The following DACH2 variants were observed in gnomAD, a reference collection of about 807,000 sequenced individuals.
DACH2 encodes the protein dachshund homolog 2.
In DACH2, 17 loss-of-function variants were observed where a neutral mutation model predicts 35.8. The ratio of observed to expected loss-of-function variants is 0.48; its 90% CI spans 0.33 to 0.71. DACH2 has a LOEUF of 0.71. Among genes scored for constraint, DACH2 ranks in the 30% least tolerant of loss-of-function variants. DACH2 has a pLI of 0.02. For missense variants in DACH2, 469 were observed against 472.7 expected, an observed-to-expected ratio of 0.99 and a Z score of 0.07; for synonymous variants, 195 against 177.3, an observed-to-expected ratio of 1.10 and a Z score of -0.79.
At chrX:86,423,778 G>A (rs2036845746) in intron 2 of DACH2, among the ~76,000 whole-genome samples, 1 of 110,726 alleles carries the variant, frequency 9.0e-6, no homozygotes, top group Non-Finnish European at 1.9e-5. Context: ...TCTTGTAGTA[G>A]TTTCATAGCT....
chrX:86,422,493 G>C lies in DACH2; in HGVS notation c.527+45631G>C, dbSNP rs770744559. Among the ~76,000 whole-genome samples, 10 of 110,393 alleles carry C rather than the reference G, an allele frequency of 9.1e-5. No individual in the cohort carries two copies. The South Asian group carries it at 3.8e-3, about 42-fold the overall frequency. On this transcript the variant is annotated intron_variant, in intron 2 of 11. Coordinates refer to ENST00000373125, the MANE Select transcript of DACH2 (RefSeq NM_053281.3). ...TCTCATACATGAAAATCACACTTTTGAGTCTTAGTATGAATGGTTTTTCAA... is the reference window on the plus strand; with the variant it reads ...TCTCATACATGAAAATCACACTTTTCAGTCTTAGTATGAATGGTTTTTCAA...
At chrX:86,526,303 T>C (rs1388221776) in intron 3 of DACH2, among the ~76,000 whole-genome samples, 1 of 111,905 alleles carries the variant, frequency 8.9e-6, no homozygotes. Flanking sequence ...ACCTACATAT[T>C]GTGACCAAAA....
intron 2 of DACH2, among the ~76,000 whole-genome samples, chrX:86,405,929 T>C (rs956997114): frequency 1.8e-5 from 2 of 110,912 alleles, no homozygotes; most frequent in Non-Finnish European, 3.8e-5. Context: ...CAAGGAGAAG[T>C]GAGGAGCAAT....
At chrX:86,199,644 A>G (rs1449266728) in intron 1 of DACH2, among the ~76,000 whole-genome samples, 1 of 111,922 alleles carries the variant, frequency 8.9e-6, no homozygotes, top group African/African-American at 3.2e-5. Context: ...CAAATCAGGA[A>G]TTCAATCCCC....
chrX:86,214,049 AT>A (rs1279413826), intron 1 of DACH2, among the ~76,000 whole-genome samples: 2 of 109,912 alleles, frequency 1.8e-5, no homozygotes, highest in Non-Finnish European at 3.8e-5. Context: ...CCTTTTCAAC[AT>A]TTTTTTCCGA....
intron 2 of DACH2, among the ~76,000 whole-genome samples, chrX:86,408,072 G>A (rs761329123): frequency 4.5e-5 from 5 of 110,983 alleles, no homozygotes; most frequent in African/African-American, 1.6e-4. Context: ...TAAGTGTTAT[G>A]CAATGTCACA....
At chrX:86,462,324 T>C (rs1335873433) in intron 2 of DACH2, among the ~76,000 whole-genome samples, 1 of 111,397 alleles carries the variant, frequency 9.0e-6, no homozygotes, top group Non-Finnish European at 1.9e-5. Context: ...ATTCCTTCCT[T>C]GGGAATTACG....
chrX:86,239,207 T>G (rs745343437), intron 1 of DACH2, among the ~76,000 whole-genome samples: 1 of 111,892 alleles, frequency 8.9e-6, no homozygotes, highest in East Asian at 2.8e-4. Context: ...TGATTTAGAT[T>G]GTTAATTTTT....
At chrX:86,324,169 T>C (rs986150405) in intron 1 of DACH2, among the ~76,000 whole-genome samples, 5 of 111,906 alleles carry the variant, frequency 4.5e-5, no homozygotes, top group Admixed American at 9.5e-5. Context: ...TGCCAGGGAA[T>C]CTTTTTACAC....
At chrX:86,246,705 C>A (rs773504819) in intron 1 of DACH2, among the ~76,000 whole-genome samples, 9 of 111,970 alleles carry the variant, frequency 8.0e-5, no homozygotes, top group Non-Finnish European at 1.5e-4. Context: ...CCAGCCACCA[C>A]GAAAACACAC....
At chrX:86,215,569 C>A (rs781326012) in intron 1 of DACH2, among the ~76,000 whole-genome samples, 128 of 109,935 alleles carry the variant, frequency 1.2e-3, no homozygotes, top group African/African-American at 4.0e-3. Context: ...CCTTTCATTC[C>A]ATTGACCCCT....
At chrX:86,409,341 G>C (rs943738755) in intron 2 of DACH2, among the ~76,000 whole-genome samples, 21 of 111,273 alleles carry the variant, frequency 1.9e-4, no homozygotes, top group African/African-American at 6.9e-4. Flanking sequence ...TATTGATACT[G>C]ATGTAGTTTG....
chrX:86,395,905 T>A (rs1454894653), intron 2 of DACH2, among the ~76,000 whole-genome samples: 4 of 111,654 alleles, frequency 3.6e-5, no homozygotes, highest in Non-Finnish European at 7.5e-5. Flanking sequence ...ATATACCCAG[T>A]AATGGGATGG....
intron 11 of DACH2, among the ~76,000 whole-genome samples, chrX:86,825,701 A>C (rs887980971): frequency 3.6e-5 from 4 of 111,795 alleles, no homozygotes; most frequent in Non-Finnish European, 5.6e-5. Flanking sequence ...GATGAAAAAT[A>C]GAATTTCAGT....
intron 1 of DACH2, among the ~76,000 whole-genome samples, chrX:86,181,502 AAAGGACGTG>A (rs1660673771): frequency 9.0e-6 from 1 of 111,176 alleles, no homozygotes; most frequent in South Asian, 3.8e-4. Flanking sequence ...ATGTCCCTGA[AAAGGACGTG>A]AACTCATCCT....
At chrX:86,232,823 C>G (rs1171302974) in intron 1 of DACH2, among the ~76,000 whole-genome samples, 2 of 111,953 alleles carry the variant, frequency 1.8e-5, no homozygotes, top group Non-Finnish European at 3.8e-5. Flanking sequence ...TCATTCAACC[C>G]AGCAATCTCA....
chrX:86,515,207 C>A (rs775575143), intron 3 of DACH2, among the ~76,000 whole-genome samples: 2 of 110,719 alleles, frequency 1.8e-5, no homozygotes, highest in Non-Finnish European at 3.8e-5. Flanking sequence ...CACGCTAGAA[C>A]TGGGGAGAGT....
At chrX:86,307,136 T>C (rs955154662) in intron 1 of DACH2, among the ~76,000 whole-genome samples, 29 of 111,597 alleles carry the variant, frequency 2.6e-4, no homozygotes, top group African/African-American at 9.4e-4. Context: ...ATGAATCTGG[T>C]TGTTGCTCCG....
intron 2 of DACH2, among the ~76,000 whole-genome samples, chrX:86,441,857 G>A (rs908133348): frequency 4.0e-4 from 37 of 92,381 alleles, no homozygotes; most frequent in African/African-American, 1.0e-3. Context: ...TACTATATAT[G>A]TGTGTGTGTG....
Sources: allele counts gnomAD v4.1 joint callset (sites outside exome capture counted in the v4.1 genomes callset), GRCh38; gene constraint gnomAD v4.1.1; transcripts MANE v1.5; gene names NCBI Gene and HGNC (gene_info 2026-07-23, HGNC 2026-07-21).